Variants in HMGB1 observed in about 807,000 individuals in gnomAD.
HMGB1 encodes the protein high mobility group box 1.
For synonymous variants in HMGB1, 81 were observed against 84.0 expected (o/e 0.96, Z 0.19); for missense variants, 79 against 253.5 (o/e 0.31, Z 4.67).
intron 1 of HMGB1, among the ~76,000 whole-genome samples, chr13:30,609,000 G>A (rs937291506): frequency 7.2e-6 from 1 of 139,516 alleles, no homozygotes; most frequent in Non-Finnish European, 1.7e-5. Flanking sequence ...GGCGGCTCAC[G>A]CCTGTAATCC....
chr13:30,538,470 C>CTT (rs1381717714), intron 1 of HMGB1, among the ~76,000 whole-genome samples: 4 of 45,986 alleles, frequency 8.7e-5, no homozygotes, highest in Non-Finnish European at 1.4e-4. Context: ...TTCTTTCTTT[C>CTT]TTTCTTTCTT....
intron 1 of HMGB1, among the ~76,000 whole-genome samples, chr13:30,533,698 A>G (rs764017910): frequency 5.3e-5 from 8 of 152,124 alleles, no homozygotes; most frequent in Admixed American, 1.3e-4. Flanking sequence ...CAGTAAGACC[A>G]ATATTTGCCT....
At position 30,457,642 on chromosome 13, in the gene HMGB1, T is replaced by C. The variant is rs1886045700; in HGVS notation, c.*3715A>G. 1 of 152,230 alleles carries C rather than the reference T, an allele frequency of 6.6e-6. No homozygotes were observed. The highest frequency in any genetic ancestry group is 1.5e-5 in the Non-Finnish European group (1 of 68,046). The allele number at this position is 152,230 out of a possible 1,614,324, so 9.4% of individuals were successfully genotyped here. A position where few individuals can be genotyped will look rare whatever the true frequency, so the allele number is the denominator to read the frequency against. Reference sequence around the variant, plus strand: ...ATCTAGCATTTCTTCCTGGTAGAGATTACCTTAGACTGAACCCCCCTGGAA... The same window carrying C: ...ATCTAGCATTTCTTCCTGGTAGAGACTACCTTAGACTGAACCCCCCTGGAA... On this transcript the variant is annotated 3_prime_UTR_variant, in exon 5 of 5. Coordinates refer to ENST00000341423, the MANE Select transcript of HMGB1 (RefSeq NM_002128.7).
At chr13:30,550,502 G>A (rs535144500) in intron 1 of HMGB1, among the ~76,000 whole-genome samples, 29 of 152,294 alleles carry the variant, frequency 1.9e-4, no homozygotes, top group African/African-American at 6.7e-4. Context: ...TCGAGTCCTC[G>A]TGTTTGTCGT....
intron 1 of HMGB1, among the ~76,000 whole-genome samples, chr13:30,615,534 G>A (rs1331795281): frequency 3.3e-5 from 5 of 152,154 alleles, no homozygotes; most frequent in Non-Finnish European, 7.4e-5. Context: ...GCTACCAAAT[G>A]AATTTTGTTG....
upstream of HMGB1, among the ~76,000 whole-genome samples, chr13:30,466,680 CTTTTTA>C (rs2137414354): frequency 6.6e-6 from 1 of 152,262 alleles, no homozygotes; most frequent in East Asian, 1.9e-4. Context: ...ATGTCTAGAA[CTTTTTA>C]TTTAAATACA....
At position 30,456,982 on chromosome 13, in the gene HMGB1, C is replaced by T. The variant is rs570000413; in HGVS notation, c.*4375G>A. ...GATGAAAAATATTATGGATCATATA[C>T]AAGTGAGATCGAAAAAAGAAAAAAT... On this transcript the variant is annotated 3_prime_UTR_variant, in exon 5 of 5. Coordinates refer to ENST00000341423, the MANE Select transcript of HMGB1 (RefSeq NM_002128.7). The T allele has an allele frequency of 1.3e-5, 2 of 152,074 alleles. No homozygotes were observed. Among genetic ancestry groups the T allele is most frequent in the East Asian group, 3.9e-4 (2 of 5,182 alleles). 9.4% of individuals were successfully genotyped at this position (152,074 alleles called of 1,614,324 possible).
intron 1 of HMGB1, among the ~76,000 whole-genome samples, chr13:30,596,964 G>A (rs572466863): frequency 5.3e-4 from 81 of 152,272 alleles, no homozygotes; most frequent in African/African-American, 1.9e-3. Context: ...TTAGTCAGTG[G>A]ACCTACATTT....
intron 1 of HMGB1, among the ~76,000 whole-genome samples, chr13:30,580,686 G>A (rs991270305): frequency 6.6e-6 from 1 of 152,128 alleles, no homozygotes; most frequent in Admixed American, 6.5e-5. Flanking sequence ...ATTCGCAGGA[G>A]ACAATGCATA....
At chr13:30,613,355 A>C (rs145584964) in intron 1 of HMGB1, among the ~76,000 whole-genome samples, 2 of 152,194 alleles carry the variant, frequency 1.3e-5, no homozygotes, top group African/African-American at 4.8e-5. Flanking sequence ...TAAAGTGGGA[A>C]TATCTAGAAG....
intron 1 of HMGB1, chr13:30,554,200 T>C (rs1394033099): frequency 2.1e-6 from 3 of 1,435,148 alleles, no homozygotes; most frequent in East Asian, 2.3e-5. Flanking sequence ...ACTTGCATTA[T>C]ACGACCTGGC....
chr13:30,595,929 G>A (rs1290132245), intron 1 of HMGB1, among the ~76,000 whole-genome samples: 1 of 152,230 alleles, frequency 6.6e-6, no homozygotes, highest in Non-Finnish European at 1.5e-5. Flanking sequence ...TCTACTGGCT[G>A]TACAAGTTAA....
intron 1 of HMGB1, among the ~76,000 whole-genome samples, chr13:30,523,179 T>C (rs7316941): frequency 0.79 from 120,034 of 152,270 alleles, 47,789 homozygotes; most frequent in Non-Finnish European, 0.84. Flanking sequence ...ACATCAGCCT[T>C]GGTTACAGGA....
At chr13:30,581,582 T>C (rs369420402) in intron 1 of HMGB1, among the ~76,000 whole-genome samples, 3 of 152,276 alleles carry the variant, frequency 2.0e-5, no homozygotes, top group South Asian at 2.1e-4. Context: ...ATCCTTGGAG[T>C]GTACAAGTAT....
chr13:30,465,211 G>GCT, intron 1 of HMGB1: 2 of 540,362 alleles, frequency 3.7e-6, no homozygotes, highest in South Asian at 7.4e-5. Flanking sequence ...CCGCCGCCGC[G>GCT]ACCGGGCCGA....
At chr13:30,502,233 C>T (rs9506319) in intron 1 of HMGB1, among the ~76,000 whole-genome samples, 125,919 of 152,236 alleles carry the variant, frequency 0.83, 56,978 homozygotes, top group East Asian at 1. Context: ...TATTTATTCA[C>T]TTAACAAATA....
At chr13:30,547,050 T>A (rs185096094) in intron 1 of HMGB1, among the ~76,000 whole-genome samples, 76 of 152,380 alleles carry the variant, frequency 5.0e-4, no homozygotes, top group Non-Finnish European at 9.3e-4. Flanking sequence ...AGAGATAATG[T>A]GTGTGGCCCA....
chr13:30,473,037 G>A (rs1486377266), intron 1 of HMGB1, among the ~76,000 whole-genome samples: 1 of 151,964 alleles, frequency 6.6e-6, no homozygotes, highest in Non-Finnish European at 1.5e-5. Context: ...ATTTCCTTAG[G>A]GCTGTCACTA....
At chr13:30,596,091 T>C (rs1593335160) in intron 1 of HMGB1, among the ~76,000 whole-genome samples, 1 of 152,262 alleles carries the variant, frequency 6.6e-6, no homozygotes, top group East Asian at 1.9e-4. Context: ...GGTATGCCAA[T>C]GGTAAGAAAT....
Sources: allele counts gnomAD v4.1 joint callset (sites outside exome capture counted in the v4.1 genomes callset), GRCh38; gene constraint gnomAD v4.1.1; transcripts MANE v1.5; gene names NCBI Gene and HGNC (gene_info 2026-07-23, HGNC 2026-07-21).